The following UBE3D variants were observed in gnomAD, a reference collection of about 807,000 sequenced individuals.
The protein encoded by UBE3D is E3 ubiquitin-protein ligase E3D.
Under a neutral mutation model 49.6 loss-of-function variants are expected in UBE3D, and 48 were observed. That is an observed-to-expected ratio of 0.97 (90% CI 0.77 to 1.23). The LOEUF (loss-of-function observed/expected upper bound fraction) is 1.23, where lower values mean the gene tolerates loss of function less well. Among genes scored for constraint, UBE3D ranks in the 50% most tolerant of loss-of-function variants. The pLI is 0.00. For missense variants in UBE3D, 452 were observed against 468.4 expected, an observed-to-expected ratio of 0.96 and a Z score of 0.32; for synonymous variants, 189 against 174.2, an observed-to-expected ratio of 1.08 and a Z score of -0.67.
intron 8 of UBE3D, among the ~76,000 whole-genome samples, chr6:83,015,472 C>A (rs1181947776): frequency 6.6e-6 from 1 of 152,164 alleles, no homozygotes; most frequent in African/African-American, 2.4e-5. Context: ...AAAGGAGAGT[C>A]CCTACTTAGT....
chr6:82,955,343 T>C (rs12193379), intron 9 of UBE3D, among the ~76,000 whole-genome samples: 24,375 of 152,202 alleles, frequency 0.16, 1,993 homozygotes, highest in African/African-American at 0.17. Flanking sequence ...GGATGACTGT[T>C]CTATTTCCCC....
At chr6:83,059,037 C>T (rs1292119009) in intron 1 of UBE3D, among the ~76,000 whole-genome samples, 1 of 152,050 alleles carries the variant, frequency 6.6e-6, no homozygotes, top group Non-Finnish European at 1.5e-5. Context: ...TGTATGGTCT[C>T]AAAGTAGAAT....
chr6:82,935,660 GC>G (rs376907704), intron 9 of UBE3D, among the ~76,000 whole-genome samples: 173 of 152,188 alleles, frequency 1.1e-3, no homozygotes, highest in African/African-American at 4.0e-3. Flanking sequence ...AATCTTACAG[GC>G]CAGCAGGAAA....
chr6:82,974,397 C>T (rs905300138), intron 8 of UBE3D, among the ~76,000 whole-genome samples: 4 of 152,100 alleles, frequency 2.6e-5, no homozygotes, highest in Non-Finnish European at 4.4e-5. Flanking sequence ...CCATGGTGCT[C>T]GCTACACCCT....
intron 9 of UBE3D, 152 bp downstream of exon 9, chr6:82,957,160 A>C: frequency 3.8e-6 from 3 of 784,062 alleles, no homozygotes; most frequent in Non-Finnish European, 5.8e-6. Context: ...AACAAACAAA[A>C]AACAGATAGA....
chr6:83,020,656 CTG>C (rs1394456282), intron 7 of UBE3D, among the ~76,000 whole-genome samples: 5 of 152,120 alleles, frequency 3.3e-5, no homozygotes, highest in Admixed American at 3.3e-4. Context: ...TTTCAGAAAA[CTG>C]TGAGGTATAT....
At chr6:83,001,261 C>T (rs548587850) in intron 8 of UBE3D, among the ~76,000 whole-genome samples, 3 of 152,288 alleles carry the variant, frequency 2.0e-5, no homozygotes, top group African/African-American at 7.2e-5. Context: ...TTTACATTTA[C>T]TTATTTTTCC....
At chr6:83,014,565 C>T (rs1414468404) in intron 8 of UBE3D, among the ~76,000 whole-genome samples, 1 of 152,158 alleles carries the variant, frequency 6.6e-6, no homozygotes, top group African/African-American at 2.4e-5. Context: ...CTCCATAAAC[C>T]CCTATTTTAA....
intron 8 of UBE3D, among the ~76,000 whole-genome samples, chr6:82,991,858 T>G (rs546586666): frequency 1.1e-4 from 17 of 152,142 alleles, no homozygotes; most frequent in Non-Finnish European, 2.4e-4. Flanking sequence ...ATAAACCTGC[T>G]AAGCACACAG....
intron 8 of UBE3D, among the ~76,000 whole-genome samples, chr6:82,979,509 A>G (rs1006992287): frequency 2.0e-5 from 3 of 152,158 alleles, no homozygotes; most frequent in East Asian, 3.9e-4. Context: ...TCAGAACCTG[A>G]GCCCTTCAGA....
intron 9 of UBE3D, among the ~76,000 whole-genome samples, chr6:82,901,238 A>G (rs544358773): frequency 2.0e-5 from 3 of 151,952 alleles, no homozygotes; most frequent in Admixed American, 2.0e-4. Context: ...TTGCTGCATT[A>G]TATTTTACTA....
intron 8 of UBE3D, among the ~76,000 whole-genome samples, chr6:82,992,350 G>A (rs1320614082): frequency 6.6e-6 from 1 of 151,126 alleles, no homozygotes. Context: ...AGCTTCCTGA[G>A]TAGCTAGGAT....
chr6:82,938,260 G>C (rs1284202930), intron 9 of UBE3D: 1 of 152,170 alleles, frequency 6.6e-6, no homozygotes, highest in East Asian at 1.9e-4. Flanking sequence ...GATCCATAGA[G>C]GGTTATCTGC....
chr6:83,014,981 C>T (rs562424065), intron 8 of UBE3D, among the ~76,000 whole-genome samples: 267 of 152,290 alleles, frequency 1.8e-3, no homozygotes, highest in African/African-American at 6.2e-3. Context: ...GAGCTGGACA[C>T]GAGTCAGATT....
intron 4 of UBE3D, 66 bp downstream of exon 4, chr6:83,044,362 A>G (rs1283914778): frequency 6.7e-7 from 1 of 1,482,478 alleles, no homozygotes; most frequent in African/African-American, 1.4e-5. Flanking sequence ...TAATTAGGAA[A>G]AGATTGAAGA....
intron 9 of UBE3D, among the ~76,000 whole-genome samples, chr6:82,933,632 C>T (rs766175765): frequency 1.3e-5 from 2 of 152,186 alleles, no homozygotes; most frequent in Non-Finnish European, 2.9e-5. Flanking sequence ...ATGGCCACAA[C>T]TTGCCTTTTT....
intron 3 of UBE3D, among the ~76,000 whole-genome samples, chr6:83,047,021 C>T (rs1783104992): frequency 1.3e-5 from 2 of 152,200 alleles, no homozygotes; most frequent in Non-Finnish European, 2.9e-5. Flanking sequence ...TTTCTACTGT[C>T]TTACATTGCT....
At chr6:82,964,302 G>A (rs1228782192) in intron 8 of UBE3D, among the ~76,000 whole-genome samples, 1 of 152,168 alleles carries the variant, frequency 6.6e-6, no homozygotes, top group East Asian at 1.9e-4. Flanking sequence ...ATAGAAAGGT[G>A]ATATAGTCTT....
At chr6:83,015,428 A>C (rs1780629851) in intron 8 of UBE3D, among the ~76,000 whole-genome samples, 1 of 152,194 alleles carries the variant, frequency 6.6e-6, no homozygotes, top group African/African-American at 2.4e-5. Context: ...ATAAACTATT[A>C]GAACCTTTTG....
Sources: allele counts gnomAD v4.1 joint callset (sites outside exome capture counted in the v4.1 genomes callset), GRCh38; gene constraint gnomAD v4.1.1; transcripts MANE v1.5; gene names NCBI Gene and HGNC (gene_info 2026-07-23, HGNC 2026-07-21).